The following SLC38A11 variants were observed in gnomAD, a reference collection of about 807,000 sequenced individuals.
SLC38A11 encodes the protein solute carrier family 38 member 11.
Under a neutral mutation model 49.4 loss-of-function variants are expected in SLC38A11, and 51 were observed. The ratio of observed to expected loss-of-function variants is 1.03; its 90% CI spans 0.83 to 1.30. The LOEUF is 1.30. Ranked by LOEUF, SLC38A11 falls within the 50% of genes most tolerant of loss-of-function variation. The pLI, the probability that SLC38A11 is intolerant of heterozygous loss-of-function variation, is 0.00. For missense variants in SLC38A11, 574 were observed against 556.2 expected (o/e 1.03, Z -0.32); for synonymous variants, 203 against 192.9 (o/e 1.05, Z -0.43).
chr2:164,915,477 T>A (rs1460477925), intron 8 of SLC38A11: 3 of 504,848 alleles, frequency 5.9e-6, no homozygotes, highest in Non-Finnish European at 1.0e-5. Flanking sequence ...GGTCTTTTCA[T>A]GTTACTCTTG....
At chr2:164,898,869 G>A in intron 11 of SLC38A11, 139 bp from the exon 12 acceptor site, 4 of 710,964 alleles carry the variant, frequency 5.6e-6, no homozygotes, top group Non-Finnish European at 8.9e-6. Context: ...AACAAAGGGA[G>A]GAAAAATAGT....
At chr2:164,918,408 A>C (rs1278352323) in intron 7 of SLC38A11, among the ~76,000 whole-genome samples, 2 of 152,164 alleles carry the variant, frequency 1.3e-5, no homozygotes, top group Non-Finnish European at 2.9e-5. Flanking sequence ...CCATTTCAAA[A>C]TATATAGAAA....
chr2:164,903,844 C>T (rs1419527750), intron 11 of SLC38A11, among the ~76,000 whole-genome samples: 1 of 152,118 alleles, frequency 6.6e-6, no homozygotes, highest in Non-Finnish European at 1.5e-5. Context: ...AGCTATTGAA[C>T]ATTTTTATTG....
At chr2:164,932,242 T>A (rs1559114558) in intron 7 of SLC38A11, among the ~76,000 whole-genome samples, 1 of 152,026 alleles carries the variant, frequency 6.6e-6, no homozygotes, top group Non-Finnish European at 1.5e-5. Context: ...TGGCTATTAT[T>A]TAAAAAGTAA....
chr2:164,920,556 C>T (rs1686121045), intron 7 of SLC38A11, among the ~76,000 whole-genome samples: 1 of 151,748 alleles, frequency 6.6e-6, no homozygotes, highest in African/African-American at 2.4e-5. Flanking sequence ...GAGGAGAAGA[C>T]ACTCTATGAA....
In SLC38A11 at chr2:164,932,881, T is replaced by G. The variant is rs77764660; in HGVS notation, c.617+4469A>C. On this transcript the variant is annotated intron_variant, in intron 7 of 11. Transcript: ENST00000685975. ...CAAACCTGCACATGTACCCCTGAAC[T>G]TAAAAATTCAGTGGCTAATATTCGT... Among the ~76,000 whole-genome samples the G allele has an allele frequency of 3.1e-3, 470 of 152,192 alleles. 4 individuals are homozygous for G. The highest frequency in any genetic ancestry group is 0.011 in the African/African-American group (450 of 41,570).
At chr2:164,923,764 T>C (rs1263936928) in intron 7 of SLC38A11, among the ~76,000 whole-genome samples, 1 of 151,170 alleles carries the variant, frequency 6.6e-6, no homozygotes, top group Admixed American at 6.6e-5. Context: ...ACCACTGCAC[T>C]CCAGCCTGGA....
Position 164,920,350 on chromosome 2 carries a change from A to C in SLC38A11, c.618-4377T>G, listed in dbSNP as rs192048277. ...TAAGGCAGAAAATATATTTTAAATA[A>C]AATGTTTGAATTTTAACTTAAACCC... On this transcript the variant is annotated intron_variant, in intron 7 of 11. Transcript: ENST00000685975. 9.8e-3 allele frequency among the ~76,000 whole-genome samples: 1,489 copies of C among 152,274 alleles called. 16 individuals carry two copies. Among genetic ancestry groups the C allele is most frequent in the Non-Finnish European group, 0.017 (1,142 of 68,024 alleles).
intron 9 of SLC38A11, among the ~76,000 whole-genome samples, chr2:164,912,850 A>C (rs1685495674): frequency 6.6e-6 from 1 of 152,028 alleles, no homozygotes; most frequent in South Asian, 2.1e-4. Context: ...TCATGTCATC[A>C]AAAAACAATT....
In SLC38A11 at chr2:164,896,127, G is replaced by A. The variant is rs1402016727; in HGVS notation, c.*2310C>T. The A allele has an allele frequency of 6.6e-6, 1 of 152,118 alleles. No homozygotes were observed. Among genetic ancestry groups the A allele is most frequent in the Non-Finnish European group, 1.5e-5 (1 of 68,008 alleles). The allele number at this position is 152,118 out of a possible 1,614,324, so 9.4% of individuals were successfully genotyped here. ...GGCAGAAAATAGATTGAGGGGTGGG[G>A]TTCTTGCAGTTATGCATGGTGGCAA... is the stretch of plus-strand genomic sequence containing the variant. On this transcript the variant is annotated 3_prime_UTR_variant, in exon 12 of 12. Coordinates refer to ENST00000685975, the MANE Select transcript of SLC38A11 (RefSeq NM_001351537.2).
chr2:164,924,027 G>A (rs979148668), intron 7 of SLC38A11, among the ~76,000 whole-genome samples: 3 of 152,158 alleles, frequency 2.0e-5, no homozygotes, highest in African/African-American at 7.2e-5. Context: ...TATGTTCACT[G>A]CAGCAGTACT....
chr2:164,916,565 T>C (rs551060016), intron 7 of SLC38A11, among the ~76,000 whole-genome samples: 71 of 152,318 alleles, frequency 4.7e-4, no homozygotes, highest in South Asian at 1.9e-3. Flanking sequence ...TGGATGGTGA[T>C]ATAACTTGCC....
At chr2:164,925,868 C>A (rs1385553346) in intron 7 of SLC38A11, among the ~76,000 whole-genome samples, 2 of 152,114 alleles carry the variant, frequency 1.3e-5, no homozygotes, top group Non-Finnish European at 2.9e-5. Flanking sequence ...AGTTTGCTGG[C>A]AGACTCTTCT....
At chr2:164,907,481 G>C (rs1028803122) in intron 11 of SLC38A11, among the ~76,000 whole-genome samples, 1 of 151,532 alleles carries the variant, frequency 6.6e-6, no homozygotes, top group African/African-American at 2.4e-5. Flanking sequence ...GCCCAGGCTG[G>C]TCTCCAACTC....
chr2:164,933,161 A>G (rs75641948), intron 7 of SLC38A11, among the ~76,000 whole-genome samples: 2,146 of 152,180 alleles, frequency 0.014, 49 homozygotes, highest in African/African-American at 0.049. Flanking sequence ...ATATGAGGGG[A>G]AAATAGTTGT....
At chr2:164,934,898 A>C (rs1056084790) in intron 7 of SLC38A11, among the ~76,000 whole-genome samples, 1 of 152,190 alleles carries the variant, frequency 6.6e-6, no homozygotes, top group Non-Finnish European at 1.5e-5. Context: ...AATAAATATC[A>C]GTAGAATCAG....
chr2:164,922,639 C>A (rs192157293), intron 7 of SLC38A11, among the ~76,000 whole-genome samples: 10 of 152,280 alleles, frequency 6.6e-5, no homozygotes, highest in Admixed American at 6.5e-4. Flanking sequence ...GAATCAATAT[C>A]ATTAAAAGAA....
intron 5 of SLC38A11, among the ~76,000 whole-genome samples, chr2:164,942,903 G>A (rs943386720): frequency 4.6e-5 from 7 of 152,160 alleles, no homozygotes; most frequent in Non-Finnish European, 1.0e-4. Context: ...ACTGGAACTC[G>A]GAGAGGACAA....
intron 6 of SLC38A11, chr2:164,937,710 C>A: frequency 4.3e-6 from 1 of 231,876 alleles, no homozygotes; most frequent in Admixed American, 5.5e-5. Context: ...GTGGCTCCTG[C>A]ATGGAATACA....
Sources: gnomAD v4.1 joint callset for allele counts (sites outside exome capture counted in the v4.1 genomes callset) on GRCh38, gnomAD v4.1.1 for gene constraint, MANE v1.5 for transcripts, NCBI Gene and HGNC (gene_info 2026-07-23, HGNC 2026-07-21) for gene names.